FRMD4B: variants seen among roughly 807,000 people sequenced by gnomAD.
The protein encoded by FRMD4B is FERM domain containing 4B, also known as FERM domain-containing protein 4B.
A neutral mutation model predicts 141.5 loss-of-function variants in FRMD4B; 74 were observed. That is an observed-to-expected ratio of 0.52 (90% CI 0.43 to 0.63). The LOEUF (loss-of-function observed/expected upper bound fraction) is 0.63. Ranked by LOEUF, FRMD4B falls within the 30% of genes least tolerant of loss-of-function variation. The pLI is 0.00. For missense variants in FRMD4B, 1,366 were observed against 1,253.4 expected, an observed-to-expected ratio of 1.09 and a Z score of -1.36; for synonymous variants, 506 against 467.9, an observed-to-expected ratio of 1.08 and a Z score of -1.05.
chr3:69,486,034 T>G (rs547895428), intron 1 of FRMD4B, among the ~76,000 whole-genome samples: 2 of 152,370 alleles, frequency 1.3e-5, no homozygotes, highest in South Asian at 2.1e-4. Flanking sequence ...ATACAATGCA[T>G]AGTGGTGGTG....
intron 4 of FRMD4B, among the ~76,000 whole-genome samples, chr3:69,295,438 C>T (rs960542701): frequency 1.3e-5 from 2 of 152,186 alleles, no homozygotes; most frequent in African/African-American, 4.8e-5. Flanking sequence ...CCTCCTGCCT[C>T]AGCCTCCTGA....
chr3:69,377,504 A>C (rs1704003114), intron 1 of FRMD4B, among the ~76,000 whole-genome samples: 1 of 152,184 alleles, frequency 6.6e-6, no homozygotes, highest in South Asian at 2.1e-4. Context: ...GCACCCGTAG[A>C]AGGTGCTTGA....
At chr3:69,303,055 C>A (rs773908406) in intron 3 of FRMD4B, among the ~76,000 whole-genome samples, 42 of 150,232 alleles carry the variant, frequency 2.8e-4, no homozygotes, top group Middle Eastern at 3.4e-3. Context: ...GCCTGGGCAA[C>A]ATCCCCTGTT....
upstream of FRMD4B, among the ~76,000 whole-genome samples, chr3:69,389,740 T>A (rs990486876): frequency 2.0e-5 from 3 of 152,162 alleles, no homozygotes; most frequent in Non-Finnish European, 4.4e-5. Flanking sequence ...AACCCAGATG[T>A]GCAGAAGTGG....
chr3:69,312,633 T>C (rs1252990815), intron 2 of FRMD4B, among the ~76,000 whole-genome samples: 1 of 152,244 alleles, frequency 6.6e-6, no homozygotes, highest in African/African-American at 2.4e-5. Flanking sequence ...GCGCAGAGGC[T>C]CACGCCTGTA....
chr3:69,520,189 G>A, intron 1 of FRMD4B, among the ~76,000 whole-genome samples: 1 of 102,586 alleles, frequency 9.7e-6, no homozygotes, highest in East Asian at 2.7e-4. Flanking sequence ...ATATATGATG[G>A]AATATATATA....
chr3:69,363,647 C>T (rs1703544642), intron 1 of FRMD4B, among the ~76,000 whole-genome samples: 1 of 152,122 alleles, frequency 6.6e-6, no homozygotes, highest in Non-Finnish European at 1.5e-5. Flanking sequence ...CCTTGGCCTC[C>T]CAAAGTGCTA....
intron 1 of FRMD4B, among the ~76,000 whole-genome samples, chr3:69,510,659 A>G (rs1393866261): frequency 3.3e-5 from 5 of 152,208 alleles, no homozygotes; most frequent in Non-Finnish European, 5.9e-5. Context: ...CAAGCAAGCC[A>G]AAGGTGTTGA....
intron 19 of FRMD4B, among the ~76,000 whole-genome samples, chr3:69,183,796 T>C (rs1278913456): frequency 6.6e-6 from 1 of 151,806 alleles, no homozygotes; most frequent in East Asian, 1.9e-4. Context: ...GTTAATTTTT[T>C]TTAACTAAAA....
At chr3:69,503,528 C>T (rs1706538086) in intron 1 of FRMD4B, among the ~76,000 whole-genome samples, 2 of 111,740 alleles carry the variant, frequency 1.8e-5, no homozygotes, top group Admixed American at 2.7e-4. Context: ...CACACTGTGG[C>T]CTGTTGTGGG....
At chr3:69,184,432 T>C (rs1048841663) in intron 19 of FRMD4B, among the ~76,000 whole-genome samples, 4 of 152,382 alleles carry the variant, frequency 2.6e-5, no homozygotes, top group Admixed American at 2.0e-4. Context: ...GTTATTTTAA[T>C]GACTGCATAG....
chr3:69,291,109 T>A (rs1454130018), intron 4 of FRMD4B, among the ~76,000 whole-genome samples: 3 of 152,196 alleles, frequency 2.0e-5, no homozygotes, highest in Non-Finnish European at 4.4e-5. Context: ...AAACACCTTT[T>A]TAAAAGTTAG....
At chr3:69,173,056 C>T (rs911984889) in intron 22 of FRMD4B, among the ~76,000 whole-genome samples, 7 of 152,166 alleles carry the variant, frequency 4.6e-5, no homozygotes, top group African/African-American at 1.4e-4. Flanking sequence ...GCTGGCTACA[C>T]TTAGCAAAAG....
intron 7 of FRMD4B, among the ~76,000 whole-genome samples, chr3:69,228,967 A>T (rs1011152347): frequency 1.1e-4 from 16 of 150,714 alleles, no homozygotes; most frequent in Non-Finnish European, 2.1e-4. Flanking sequence ...ATTTAGGCAA[A>T]TTACTTGTCT....
intron 1 of FRMD4B, among the ~76,000 whole-genome samples, chr3:69,461,482 G>A (rs528708295): frequency 6.6e-6 from 1 of 151,964 alleles, no homozygotes; most frequent in South Asian, 2.1e-4. Flanking sequence ...AAATTATCCA[G>A]GCATGGTGGC....
At chr3:69,181,951 T>A (rs1220244800) in intron 20 of FRMD4B, among the ~76,000 whole-genome samples, 3 of 152,036 alleles carry the variant, frequency 2.0e-5, no homozygotes, top group Admixed American at 1.3e-4. Flanking sequence ...GCAAGCCAAA[T>A]CCTTCCTTGA....
At chr3:69,208,264 A>C (rs905870803) in intron 11 of FRMD4B, among the ~76,000 whole-genome samples, 3 of 152,022 alleles carry the variant, frequency 2.0e-5, no homozygotes, top group Admixed American at 2.0e-4. Flanking sequence ...GGGTTTCACC[A>C]TGTTGGCCAG....
chr3:69,239,478 C>T (rs1461284630), intron 7 of FRMD4B, among the ~76,000 whole-genome samples: 1 of 152,160 alleles, frequency 6.6e-6, no homozygotes, highest in Admixed American at 6.5e-5. Flanking sequence ...AAACGTCAGC[C>T]AGCTCCCTGA....
intron 1 of FRMD4B, among the ~76,000 whole-genome samples, chr3:69,444,595 C>G (rs1464374435): frequency 2.6e-5 from 4 of 152,120 alleles, no homozygotes; most frequent in Non-Finnish European, 4.4e-5. Context: ...TGACTCTCAC[C>G]CCATACCTTC....
Sources: gnomAD v4.1 joint callset for allele counts (sites outside exome capture counted in the v4.1 genomes callset) on GRCh38, gnomAD v4.1.1 for gene constraint, MANE v1.5 for transcripts, NCBI Gene and HGNC (gene_info 2026-07-23, HGNC 2026-07-21) for gene names.